The following CTXND2 variants were observed in gnomAD, a reference collection of about 807,000 sequenced individuals.
CTXND2 encodes the protein cortexin domain containing 2.
intron 1 of CTXND2, among the ~76,000 whole-genome samples, chr1:150,898,814 A>G (rs1403431058): frequency 6.7e-6 from 1 of 149,674 alleles, no homozygotes; most frequent in East Asian, 1.9e-4. Flanking sequence ...ACGGTGGCTC[A>G]CGCCTGCAAT....
chr1:150,902,633 A>G (rs999346952), intron 1 of CTXND2, among the ~76,000 whole-genome samples: 3 of 152,058 alleles, frequency 2.0e-5, no homozygotes, highest in African/African-American at 7.2e-5. Context: ...GAATGGAAAG[A>G]ATGGTCGGGG....
chr1:150,901,939 A>G (rs1256194080), intron 1 of CTXND2, among the ~76,000 whole-genome samples: 1 of 151,306 alleles, frequency 6.6e-6, no homozygotes, highest in Non-Finnish European at 1.5e-5. Flanking sequence ...AAAAAAAAAT[A>G]AATTCAATGG....
chr1:150,892,574 T>A (rs1668866996), intron 1 of CTXND2, among the ~76,000 whole-genome samples: 1 of 146,358 alleles, frequency 6.8e-6, no homozygotes, highest in Admixed American at 7.0e-5. Flanking sequence ...CGCTTTATCA[T>A]CCAGCCTGGA....
At chr1:150,901,937 AT>A (rs1483101933) in intron 1 of CTXND2, among the ~76,000 whole-genome samples, 7 of 151,594 alleles carry the variant, frequency 4.6e-5, no homozygotes, top group Admixed American at 6.6e-5. Flanking sequence ...AAAAAAAAAA[AT>A]AAATTCAATG....
intron 1 of CTXND2, among the ~76,000 whole-genome samples, chr1:150,900,962 A>G (rs1669012780): frequency 6.6e-6 from 1 of 152,102 alleles, no homozygotes; most frequent in Non-Finnish European, 1.5e-5. Flanking sequence ...ATAAAAATAA[A>G]TTAGCTGCAC....
intron 1 of CTXND2, among the ~76,000 whole-genome samples, chr1:150,895,974 T>C (rs748176473): frequency 2.6e-5 from 4 of 152,354 alleles, no homozygotes; most frequent in African/African-American, 9.6e-5. Flanking sequence ...TGGTTCCTGA[T>C]GGCTGGCTTC....
chr1:150,906,191 C>T (rs1002418227), intron 1 of CTXND2, among the ~76,000 whole-genome samples: 1 of 151,648 alleles, frequency 6.6e-6, no homozygotes, highest in Non-Finnish European at 1.5e-5. Flanking sequence ...CACAGCTATC[C>T]AGGAGGCTGA....
At chr1:150,909,038 G>C (rs775031392) in intron 1 of CTXND2, among the ~76,000 whole-genome samples, 2 of 151,832 alleles carry the variant, frequency 1.3e-5, no homozygotes, top group African/African-American at 4.8e-5. Flanking sequence ...TCAGGAGTTT[G>C]AGCCCAGCCT....
chr1:150,899,242 C>T (rs920739543), intron 1 of CTXND2, among the ~76,000 whole-genome samples: 1 of 152,072 alleles, frequency 6.6e-6, no homozygotes, highest in Non-Finnish European at 1.5e-5. Context: ...GAACTTCAGC[C>T]TGGGTAACAT....
In CTXND2 at chr1:150,891,254, G is replaced by A. The variant is rs587728031; in HGVS notation, c.-74+3941G>A. Among the ~76,000 whole-genome samples, 14 of 149,552 alleles carry A rather than the reference G, an allele frequency of 9.4e-5. No individual in the cohort carries two copies. The Middle Eastern group carries it at 0.01, about 110-fold the overall frequency. ...TTGTGAGACGGAGTCTCGCTCTGTCGCCCAGGCTGGAGTGCAGTGGCAGAT... is the reference window on the plus strand; with the variant it reads ...TTGTGAGACGGAGTCTCGCTCTGTCACCCAGGCTGGAGTGCAGTGGCAGAT... On this transcript the variant is annotated intron_variant, in intron 1 of 1. Coordinates refer to ENST00000636087, the Ensembl canonical transcript of CTXND2.
chr1:150,904,248 T>C, intron 1 of CTXND2: 1 of 549,956 alleles, frequency 1.8e-6, no homozygotes, highest in South Asian at 1.5e-5. Context: ...ACAAAACAAA[T>C]GTCTCATGAA....
At chr1:150,909,599 T>A (rs1286059796) in intron 1 of CTXND2, among the ~76,000 whole-genome samples, 1 of 152,140 alleles carries the variant, frequency 6.6e-6, no homozygotes, top group African/African-American at 2.4e-5. Context: ...AGTTTCTCTC[T>A]TTTTTGTTGC....
intron 1 of CTXND2, among the ~76,000 whole-genome samples, chr1:150,904,707 T>C (rs1669106553): frequency 6.6e-6 from 1 of 152,210 alleles, no homozygotes; most frequent in South Asian, 2.1e-4. Context: ...TATGCCAATC[T>C]AATTAGAATT....
chr1:150,896,515 T>C (rs1465775804), intron 1 of CTXND2, among the ~76,000 whole-genome samples: 1 of 152,228 alleles, frequency 6.6e-6, no homozygotes, highest in Non-Finnish European at 1.5e-5. Context: ...CTTTCTTTCC[T>C]AGTTGAACTT....
chr1:150,891,499 C>A (rs1310335552), intron 1 of CTXND2, among the ~76,000 whole-genome samples: 1 of 152,186 alleles, frequency 6.6e-6, no homozygotes, highest in Non-Finnish European at 1.5e-5. Context: ...AGGCGTGAGC[C>A]ACTGCACCCG....
intron 1 of CTXND2, among the ~76,000 whole-genome samples, chr1:150,897,387 C>T (rs1025163759): frequency 1.3e-5 from 2 of 152,188 alleles, no homozygotes; most frequent in Non-Finnish European, 2.9e-5. Flanking sequence ...TGCAGTGGCA[C>T]AATATTGGCT....
At chr1:150,891,364 C>A (rs1457938393) in intron 1 of CTXND2, among the ~76,000 whole-genome samples, 1 of 152,130 alleles carries the variant, frequency 6.6e-6, no homozygotes, top group Non-Finnish European at 1.5e-5. Flanking sequence ...CAGGCACCCG[C>A]CACCATGCCT....
At chr1:150,901,332 A>G (rs1010377889) in intron 1 of CTXND2, among the ~76,000 whole-genome samples, 1 of 152,222 alleles carries the variant, frequency 6.6e-6, no homozygotes, top group Non-Finnish European at 1.5e-5. Flanking sequence ...AAATTGCTCT[A>G]TAGATAGAAG....
intron 1 of CTXND2, among the ~76,000 whole-genome samples, chr1:150,910,914 C>T (rs377501100): frequency 1.1e-3 from 168 of 152,208 alleles, no homozygotes; most frequent in African/African-American, 3.7e-3. Context: ...ATACCATTCT[C>T]CTGCCTCAGC....
Sources: allele counts gnomAD v4.1 joint callset (sites outside exome capture counted in the v4.1 genomes callset), GRCh38; gene constraint gnomAD v4.1.1; transcripts MANE v1.5; gene names NCBI Gene and HGNC (gene_info 2026-07-23, HGNC 2026-07-21).